The following PPP1R3A variants were observed in gnomAD, a reference collection of about 807,000 sequenced individuals.
The protein encoded by PPP1R3A is RG1.
A neutral mutation model predicts 41.7 loss-of-function variants in PPP1R3A; 29 were observed. The ratio of observed to expected loss-of-function variants is 0.70; its 90% CI spans 0.52 to 0.95. The LOEUF is 0.95. PPP1R3A is among the 40% of genes least tolerant of loss of function. PPP1R3A has a pLI of 0.00. For missense variants in PPP1R3A, 1,352 were observed against 1,292.4 expected, an observed-to-expected ratio of 1.05 and a Z score of -0.71; for synonymous variants, 485 against 453.4, an observed-to-expected ratio of 1.07 and a Z score of -0.89.
intron 1 of PPP1R3A, among the ~76,000 whole-genome samples, chr7:113,911,853 T>C (rs563951425): frequency 6.6e-6 from 1 of 152,176 alleles, no homozygotes; most frequent in African/African-American, 2.4e-5. Context: ...ATACACAAGA[T>C]TGGAAAATGT....
rs751788088 is a variant in PPP1R3A, at chr7:113,877,706, G to T, written c.*17C>A. On this transcript the variant is annotated 3_prime_UTR_variant, in exon 4 of 4. Transcript: ENST00000284601. ...GTTAAATAGCTTATCTTTTAAGAGA[G>T]AATAGTAGTGCTGAGGTTACTTCTT... The T allele has an allele frequency of 7.8e-6, 12 of 1,528,942 alleles. No homozygotes were observed. The highest frequency in any genetic ancestry group is 1.1e-5 in the Non-Finnish European group (12 of 1,142,432). The allele number at this position is 1,528,942 out of a possible 1,614,324, so 94.7% of individuals were successfully genotyped here.
In PPP1R3A at chr7:113,879,718, T is replaced by G. The variant is rs1562916979; in HGVS notation, c.1374A>C (p.Ser458=). The change falls in exon 4 of 4, where the codon TCA becomes TCC. Residue 458 remains serine (S), a synonymous_variant. Transcript: ENST00000284601. Reference sequence around the variant, plus strand: ...TAAGGTTTCCTGCCATTAGTTGATCTGAAGAGGGGCAAGGTATTTGCACTG... The same window carrying G: ...TAAGGTTTCCTGCCATTAGTTGATCGGAAGAGGGGCAAGGTATTTGCACTG... ...NGTVQIPCPS[S]DQLMAGNLNK... is the part of the protein sequence containing the mutation. 6.2e-7 allele frequency: 1 copy of G among 1,613,288 alleles called. No individual in the cohort carries two copies. The highest frequency in any genetic ancestry group is 1.7e-5 in the Admixed American group (1 of 59,852).
chr7:113,895,725 T>C (rs1175458257), intron 1 of PPP1R3A, among the ~76,000 whole-genome samples: 1 of 151,958 alleles, frequency 6.6e-6, no homozygotes, highest in African/African-American at 2.4e-5. Context: ...AAAACAGAAA[T>C]ACAGTAAATT....
chr7:113,881,727 C>T (rs930540551), intron 3 of PPP1R3A, among the ~76,000 whole-genome samples: 3 of 151,972 alleles, frequency 2.0e-5, no homozygotes, highest in Admixed American at 2.0e-4. Context: ...GCTAAGTATA[C>T]ACTTGTCACA....
chr7:113,914,934 A>G (rs976664064), intron 1 of PPP1R3A, among the ~76,000 whole-genome samples: 1 of 152,062 alleles, frequency 6.6e-6, no homozygotes, highest in African/African-American at 2.4e-5. Context: ...TTATTTGTCT[A>G]TGTACATTTA....
intron 1 of PPP1R3A, among the ~76,000 whole-genome samples, chr7:113,888,960 CA>C (rs1796833418): frequency 6.6e-6 from 1 of 152,164 alleles, no homozygotes; most frequent in South Asian, 2.1e-4. Flanking sequence ...CTCATAAATA[CA>C]GTAGATCTCA....
intron 1 of PPP1R3A, among the ~76,000 whole-genome samples, chr7:113,897,391 TACTA>T (rs1002696898): frequency 1.6e-4 from 25 of 151,894 alleles, no homozygotes; most frequent in African/African-American, 6.0e-4. Context: ...AAATTATGCT[TACTA>T]ACATGATTAT....
At chr7:113,893,777 C>T (rs542522987) in intron 1 of PPP1R3A, among the ~76,000 whole-genome samples, 6 of 152,084 alleles carry the variant, frequency 3.9e-5, no homozygotes, top group African/African-American at 1.4e-4. Context: ...ATTTCAATAT[C>T]TAAGTTAGAA....
Position 113,918,811 on chromosome 7 carries a change from T to C in PPP1R3A, c.186A>G (p.Arg62=). 6.2e-7 allele frequency: 1 copy of C among 1,613,834 alleles called. No homozygotes were observed. The change falls in exon 1 of 4, where the codon AGA becomes AGG. Residue 62 remains arginine, a synonymous_variant. Transcript: ENST00000284601. ...IYLDTPSSGT[R]RVSFADSFGF... is the part of the protein sequence containing the mutation. ...CAAAGGAATCAGCAAATGAAACTCT[T>C]CTAGTACCTGAAGATGGGGTATCCA... is the stretch of plus-strand genomic sequence containing the variant.
intron 1 of PPP1R3A, among the ~76,000 whole-genome samples, chr7:113,912,783 A>G (rs936081429): frequency 1.3e-5 from 2 of 151,742 alleles, no homozygotes; most frequent in African/African-American, 2.4e-5. Flanking sequence ...CAGGCTGCAG[A>G]TGGGCTTCAG....
intron 1 of PPP1R3A, among the ~76,000 whole-genome samples, chr7:113,891,734 T>C (rs1301113890): frequency 6.6e-6 from 1 of 152,074 alleles, no homozygotes; most frequent in African/African-American, 2.4e-5. Context: ...TTATAATTAA[T>C]TTTAACACTG....
intron 1 of PPP1R3A, among the ~76,000 whole-genome samples, chr7:113,898,485 C>T (rs963597220): frequency 6.6e-6 from 1 of 151,552 alleles, no homozygotes; most frequent in African/African-American, 2.4e-5. Context: ...ATATAAGTGT[C>T]CAACAAAAAC....
At chr7:113,899,370 A>C (rs1397454817) in intron 1 of PPP1R3A, among the ~76,000 whole-genome samples, 1 of 151,756 alleles carries the variant, frequency 6.6e-6, no homozygotes, top group Non-Finnish European at 1.5e-5. Context: ...TTTTTTCCCA[A>C]AGAAATGTTT....
intron 1 of PPP1R3A, among the ~76,000 whole-genome samples, chr7:113,908,207 A>G (rs961382041): frequency 9.9e-5 from 15 of 151,924 alleles, no homozygotes; most frequent in African/African-American, 3.6e-4. Flanking sequence ...ACTTGGAATG[A>G]GATATTACCG....
rs149701175 is a variant in PPP1R3A at position 113,878,048 on chromosome 7, T to C, written c.3044A>G (p.Asn1015Ser). The C allele has an allele frequency of 1.4e-3, 2,182 of 1,613,348 alleles. 27 individuals are homozygous for C. The African/African-American group carries it at 0.025, about 19-fold the overall frequency. Residue 1015 changes from asparagine to serine, a missense_variant, in exon 4 of 4, where the codon AAC becomes AGC. Transcript: ENST00000284601. ...EKSLGPMILI[N>S]KPLENMEEAR... ...TTCTTCCATATTCTCAAGAGGTTTG[T>C]TGATTAAAATCATTGGCCCTAGAGA...
chr7:113,885,114 C>T lies in PPP1R3A; in HGVS notation c.783-2794G>A, dbSNP rs150172106. Among the ~76,000 whole-genome samples, 543 of 152,212 alleles carry T rather than the reference C, an allele frequency of 3.6e-3. 2 individuals are homozygous for T. Among genetic ancestry groups the T allele is most frequent in the African/African-American group, 0.01 (419 of 41,558 alleles). On this transcript the variant is annotated intron_variant, in intron 1 of 3. Coordinates refer to ENST00000284601, the MANE Select transcript of PPP1R3A (RefSeq NM_002711.4). Reference sequence around the variant, plus strand: ...CTGACATCCAGGCTAGAGTCCAGTGCGCAATCTTAGCTCATTGCAACTTCC... The same window carrying T: ...CTGACATCCAGGCTAGAGTCCAGTGTGCAATCTTAGCTCATTGCAACTTCC...
intron 1 of PPP1R3A, among the ~76,000 whole-genome samples, chr7:113,890,330 A>G (rs1796858993): frequency 6.6e-6 from 1 of 152,090 alleles, no homozygotes; most frequent in African/African-American, 2.4e-5. Flanking sequence ...GGCAGTGGGA[A>G]TCTGCATTTT....
At chr7:113,890,062 A>G (rs1272182144) in intron 1 of PPP1R3A, among the ~76,000 whole-genome samples, 1 of 147,854 alleles carries the variant, frequency 6.8e-6, no homozygotes, top group African/African-American at 2.4e-5. Flanking sequence ...AAGGCATTAT[A>G]TGCAAAAACT....
chr7:113,902,082 TTAA>T (rs1797070908), intron 1 of PPP1R3A, among the ~76,000 whole-genome samples: 1 of 151,892 alleles, frequency 6.6e-6, no homozygotes, highest in Admixed American at 6.6e-5. Flanking sequence ...TCTTGGTCTC[TTAA>T]TGTTGGAATC....
Sources: gnomAD v4.1 joint callset for allele counts (sites outside exome capture counted in the v4.1 genomes callset) on GRCh38, gnomAD v4.1.1 for gene constraint, MANE v1.5 for transcripts, NCBI Gene and HGNC (gene_info 2026-07-23, HGNC 2026-07-21) for gene names.